NALCN: variants seen among roughly 807,000 people sequenced by gnomAD.
NALCN encodes the protein sodium leak channel NALCN.
A neutral mutation model predicts 225.3 loss-of-function variants in NALCN; 111 were observed. The observed-to-expected ratio is 0.49, with a 90% CI of 0.42 to 0.58. The LOEUF is 0.58. NALCN is among the 20% of genes least tolerant of loss of function. The pLI is 0.00. For synonymous variants in NALCN, 764 were observed against 769.0 expected (o/e 0.99, Z 0.11); for missense variants, 1,378 against 2,202.4 (o/e 0.63, Z 7.49).
intron 41 of NALCN, 70 bp from the exon 42 acceptor site, chr13:101,060,037 C>T (rs529270806): frequency 1.3e-6 from 2 of 1,564,104 alleles, no homozygotes; most frequent in East Asian, 4.5e-5. Flanking sequence ...CCACACAAAT[C>T]TTATTTTCTT....
intron 15 of NALCN, among the ~76,000 whole-genome samples, chr13:101,160,552 T>C (rs947995921): frequency 6.6e-6 from 1 of 152,220 alleles, no homozygotes; most frequent in Non-Finnish European, 1.5e-5. Context: ...TACCTTTGCC[T>C]AGACTGTTAA....
At chr13:101,361,758 T>C (rs1238438026) in intron 6 of NALCN, among the ~76,000 whole-genome samples, 1 of 152,198 alleles carries the variant, frequency 6.6e-6, no homozygotes, top group African/African-American at 2.4e-5. Flanking sequence ...ATAAAAGTTA[T>C]TTACCACTAA....
intron 20 of NALCN, among the ~76,000 whole-genome samples, chr13:101,108,168 T>C (rs1039096652): frequency 2.7e-5 from 4 of 150,440 alleles, no homozygotes; most frequent in Non-Finnish European, 5.9e-5. Flanking sequence ...AGTAAATGTA[T>C]ATACTTACAT....
intron 10 of NALCN, among the ~76,000 whole-genome samples, chr13:101,279,849 AAAT>A (rs2043105252): frequency 2.2e-5 from 2 of 89,844 alleles, no homozygotes; most frequent in South Asian, 8.6e-4. Context: ...ATAAATAAAT[AAAT>A]AAATAAATAA....
At chr13:101,357,675 A>T (rs1291571854) in intron 6 of NALCN, among the ~76,000 whole-genome samples, 1 of 152,028 alleles carries the variant, frequency 6.6e-6, no homozygotes, top group Non-Finnish European at 1.5e-5. Context: ...ACAGAATTAG[A>T]AAAAAACTAC....
intron 15 of NALCN, among the ~76,000 whole-genome samples, chr13:101,146,939 A>G (rs2037377766): frequency 6.6e-6 from 1 of 152,182 alleles, no homozygotes; most frequent in Non-Finnish European, 1.5e-5. Context: ...GAAATAAGAA[A>G]AAAAATGAAG....
Position 101,243,092 on chromosome 13 carries a change from G to GT in NALCN, c.1267-5171dup, listed in dbSNP as rs68186736. Among the ~76,000 whole-genome samples, 439 of 74,006 alleles carry GT rather than the reference G, an allele frequency of 5.9e-3. 110 individuals are homozygous for GT. The highest frequency in any genetic ancestry group is 9.6e-3 in the East Asian group (29 of 3,028). 48.6% of individuals were successfully genotyped at this position (74,006 alleles called of 152,430 possible). A position where few individuals can be genotyped will look rare whatever the true frequency, so the allele number is the denominator to read the frequency against. On this transcript the variant is annotated intron_variant, in intron 11 of 43. Coordinates refer to ENST00000251127, the MANE Select transcript of NALCN (RefSeq NM_052867.4). ...GAGCTCTTTCAGTTTGCAGATTTAT[G>GT]TTTTTTTTTTTTTTTCATTTATGTA...
chr13:101,341,525 A>G (rs891204632), intron 7 of NALCN, among the ~76,000 whole-genome samples: 4 of 152,216 alleles, frequency 2.6e-5, no homozygotes, highest in African/African-American at 9.6e-5. Flanking sequence ...CTTACTGAGA[A>G]AAGCTGCATC....
intron 17 of NALCN, among the ~76,000 whole-genome samples, chr13:101,138,098 C>T (rs575685566): frequency 2.2e-4 from 34 of 152,114 alleles, no homozygotes; most frequent in Non-Finnish European, 4.4e-4. Context: ...GTAAGGGGAA[C>T]TTAGGGGGTT....
chr13:101,211,876 T>C (rs534790554), intron 13 of NALCN, among the ~76,000 whole-genome samples: 1 of 152,150 alleles, frequency 6.6e-6, no homozygotes, highest in South Asian at 2.1e-4. Flanking sequence ...TAAATTCTTG[T>C]CTTTCATCAA....
In NALCN at chr13:101,165,473, CGTT is replaced by C. The variant is rs749580979; in HGVS notation, c.1839+10824_1839+10826del. ...ATTTTGCCATCTTGATCATTTTTGT[CGTT>C]GTTGTTGTTATTTGAGACAGGGTCT... On this transcript the variant is annotated intron_variant, in intron 15 of 43. Coordinates refer to ENST00000251127, the MANE Select transcript of NALCN (RefSeq NM_052867.4). Among the ~76,000 whole-genome samples the C allele has an allele frequency of 1.7e-4, 26 of 152,182 alleles. 1 individual carries two copies. The East Asian group carries it at 3.1e-3, about 18-fold the overall frequency.
chr13:101,376,909 G>C lies in NALCN; in HGVS notation c.515+8C>G, dbSNP rs755457232. 6.2e-6 allele frequency: 10 copies of C among 1,614,150 alleles called. No homozygotes were observed. The highest frequency in any genetic ancestry group is 8.5e-6 in the Non-Finnish European group (10 of 1,180,022). On this transcript the variant is annotated splice_region_variant and intron_variant, in intron 5 of 43. Coordinates refer to ENST00000251127, the MANE Select transcript of NALCN (RefSeq NM_052867.4). ...TTTCCTCTTAACTTATTGTAAAGCA[G>C]CGCTCACTTTAAAATATTTGTAATT...
chr13:101,246,611 C>A (rs751421618), intron 11 of NALCN, among the ~76,000 whole-genome samples: 4 of 152,162 alleles, frequency 2.6e-5, no homozygotes, highest in Non-Finnish European at 5.9e-5. Flanking sequence ...TTTTACCTAA[C>A]AAGATAATGT....
intron 33 of NALCN, 137 bp from the exon 34 acceptor site, chr13:101,081,783 T>C: frequency 8.7e-7 from 1 of 1,148,056 alleles, no homozygotes; most frequent in East Asian, 2.6e-5. Context: ...GGACACAGTA[T>C]CTTTTCCATT....
intron 1 of NALCN, among the ~76,000 whole-genome samples, chr13:101,407,150 C>G (rs1387545581): frequency 6.6e-6 from 1 of 152,156 alleles, no homozygotes; most frequent in Non-Finnish European, 1.5e-5. Context: ...GCTCTCTGTT[C>G]TTCTAGCAAG....
intron 15 of NALCN, among the ~76,000 whole-genome samples, chr13:101,149,244 GATT>G (rs1472277995): frequency 1.3e-5 from 2 of 151,012 alleles, no homozygotes; most frequent in Non-Finnish European, 2.9e-5. Context: ...AGTGAGCCAA[GATT>G]GTGCCACTGC....
At chr13:101,403,130 A>G (rs73566017) in intron 1 of NALCN, among the ~76,000 whole-genome samples, 5,955 of 152,194 alleles carry the variant, frequency 0.039, 217 homozygotes, top group East Asian at 0.12. Context: ...GTATCTTCTT[A>G]TTTCTCATTC....
intron 15 of NALCN, among the ~76,000 whole-genome samples, chr13:101,150,234 G>A (rs1361482889): frequency 2.0e-5 from 3 of 152,044 alleles, no homozygotes; most frequent in Non-Finnish European, 4.4e-5. Flanking sequence ...CTGCAGAGTG[G>A]TCGTCCTGGG....
chr13:101,070,371 T>C (rs1293504591), intron 37 of NALCN, among the ~76,000 whole-genome samples: 1 of 152,222 alleles, frequency 6.6e-6, no homozygotes, highest in Non-Finnish European at 1.5e-5. Context: ...TGGCCATGAA[T>C]GTTCTTAATG....
Sources: gnomAD v4.1 joint callset for allele counts (sites outside exome capture counted in the v4.1 genomes callset) on GRCh38, gnomAD v4.1.1 for gene constraint, MANE v1.5 for transcripts, NCBI Gene and HGNC (gene_info 2026-07-23, HGNC 2026-07-21) for gene names.